Variants in PLXNC1 observed in about 807,000 individuals in gnomAD.
PLXNC1 encodes plexin-C1.
PLXNC1 carries 75 observed loss-of-function variants against 178.2 expected under a neutral mutation model. That is an observed-to-expected ratio of 0.42 (90% CI 0.35 to 0.51). PLXNC1 has a LOEUF of 0.51. Ranked by LOEUF, PLXNC1 falls within the 20% of genes least tolerant of loss-of-function variation. PLXNC1 has a pLI of 0.02. For synonymous variants in PLXNC1, 790 were observed against 779.9 expected (o/e 1.01, Z -0.22); for missense variants, 1,503 against 1,984.4 (o/e 0.76, Z 4.61).
intron 4 of PLXNC1, among the ~76,000 whole-genome samples, chr12:94,188,657 T>C (rs1592747337): frequency 6.6e-6 from 1 of 152,148 alleles, no homozygotes; most frequent in East Asian, 1.9e-4. Flanking sequence ...GAAATAACAG[T>C]GCATGTCTGC....
chr12:94,230,029 GAC>G (rs1445092945), intron 9 of PLXNC1, among the ~76,000 whole-genome samples: 1 of 152,162 alleles, frequency 6.6e-6, no homozygotes, highest in East Asian at 1.9e-4. Context: ...CAGCAGTCAA[GAC>G]ACAGAACAGC....
intron 1 of PLXNC1, among the ~76,000 whole-genome samples, chr12:94,150,630 G>A (rs1021176213): frequency 1.1e-4 from 16 of 152,252 alleles, no homozygotes; most frequent in African/African-American, 3.4e-4. Context: ...AGAGGCTTGC[G>A]CTGGAACCGA....
intron 4 of PLXNC1, among the ~76,000 whole-genome samples, chr12:94,197,928 C>T (rs1962975954): frequency 6.6e-6 from 1 of 152,146 alleles, no homozygotes; most frequent in Non-Finnish European, 1.5e-5. Context: ...CCACCTGAGT[C>T]AGAGAAAACC....
intron 23 of PLXNC1, among the ~76,000 whole-genome samples, chr12:94,288,286 T>C (rs911043676): frequency 1.3e-5 from 2 of 152,226 alleles, no homozygotes; most frequent in Admixed American, 6.5e-5. Flanking sequence ...TCCGTGAAGA[T>C]GACAGTTACC....
At chr12:94,208,885 A>G (rs758734747) in intron 4 of PLXNC1, among the ~76,000 whole-genome samples, 5 of 152,230 alleles carry the variant, frequency 3.3e-5, no homozygotes, top group African/African-American at 4.8e-5. Flanking sequence ...GCATCTCTTT[A>G]TCAAAGTAGT....
At position 94,279,105 on chromosome 12, in the gene PLXNC1, A is replaced by G. The variant is rs371986482; in HGVS notation, c.3598-367A>G. Reference sequence around the variant, plus strand: ...TGTGGTCCTATTAATAAAAAAGATAATCACCAGTCTGCCTCATCTACTGTG... The same window carrying G: ...TGTGGTCCTATTAATAAAAAAGATAGTCACCAGTCTGCCTCATCTACTGTG... On this transcript the variant is annotated intron_variant, in intron 21 of 30. Transcript: ENST00000258526. 3.9e-5 allele frequency among the ~76,000 whole-genome samples: 6 copies of G among 152,224 alleles called. No homozygotes were observed. In the South Asian group the frequency reaches 1.2e-3, roughly 32 times the overall value.
At chr12:94,212,049 C>T (rs545075678) in intron 5 of PLXNC1, among the ~76,000 whole-genome samples, 36 of 151,758 alleles carry the variant, frequency 2.4e-4, no homozygotes, top group Middle Eastern at 6.8e-3. Flanking sequence ...CCGAGGCGGG[C>T]GGATCACGAG....
rs77448745 is a variant in PLXNC1, at chr12:94,279,392, C to G, written c.3598-80C>G. The stretch of plus-strand genomic sequence containing the variant: ...CTGTCAGAGGTATTAGTGGGACTTG[C>G]TAAGGTTTGTGTCTTTTATGAAATG... On this transcript the variant is annotated intron_variant, in intron 21 of 30. Transcript: ENST00000258526. 4.7e-6 allele frequency: 6 copies of G among 1,271,904 alleles called. No individual in the cohort carries two copies. The African/African-American group carries it at 8.9e-5, about 19-fold the overall frequency. The allele number at this position is 1,271,904 out of a possible 1,614,324, so 78.8% of individuals were successfully genotyped here.
In PLXNC1 at chr12:94,282,388, T is replaced by C. The variant is rs1966507368; in HGVS notation, c.3866T>C (p.Ile1289Thr). 1 of 1,609,572 alleles carries C rather than the reference T, an allele frequency of 6.2e-7. No homozygotes were observed. Among genetic ancestry groups the C allele is most frequent in the Non-Finnish European group, 8.5e-7 (1 of 1,175,838 alleles). Residue 1289 changes from isoleucine (I) to threonine (T), a missense_variant, in exon 23 of 31, where the codon ATT (isoleucine) becomes ACT (threonine). Around this residue, in one of 4 missense-constraint regions of PLXNC1, gnomAD observed 639 missense variants for 979.7 expected, o/e 0.65. Coordinates refer to ENST00000258526, the MANE Select transcript of PLXNC1 (RefSeq NM_005761.3). Reference sequence around the variant, plus strand: ...GATGGAATCACCAAGCTAAACACCATTGGCCACTATGAGGTAAGAGCAAGA... The same window carrying C: ...GATGGAATCACCAAGCTAAACACCACTGGCCACTATGAGGTAAGAGCAAGA... ...LEDGITKLNTIGHYEISNGST... is the reference protein window; with the variant it reads ...LEDGITKLNTTGHYEISNGST...
intron 17 of PLXNC1, 79 bp downstream of exon 17, chr12:94,255,375 T>C: frequency 1.0e-6 from 1 of 989,132 alleles, no homozygotes; most frequent in South Asian, 1.3e-5. Flanking sequence ...TCAAAACGAG[T>C]GTTTGCTTCC....
At chr12:94,288,852 A>G (rs1305836786) in intron 23 of PLXNC1, among the ~76,000 whole-genome samples, 3 of 152,256 alleles carry the variant, frequency 2.0e-5, no homozygotes, top group Admixed American at 2.0e-4. Flanking sequence ...TCAGCAGAAA[A>G]GGTGATTTCA....
At chr12:94,182,616 T>C (rs934857529) in intron 3 of PLXNC1, among the ~76,000 whole-genome samples, 1 of 151,226 alleles carries the variant, frequency 6.6e-6, no homozygotes, top group Admixed American at 6.6e-5. Flanking sequence ...TCCCAGCTAC[T>C]TGGGAGGCTG....
In PLXNC1 at chr12:94,189,406, C is replaced by T. The variant is rs566542586; in HGVS notation, c.1439+2933C>T. 2.5e-3 allele frequency among the ~76,000 whole-genome samples: 388 copies of T among 152,194 alleles called. 5 individuals are homozygous for T. The highest frequency in any genetic ancestry group is 8.9e-3 in the African/African-American group (370 of 41,518). On this transcript the variant is annotated intron_variant, in intron 4 of 30. Transcript: ENST00000258526. ...GTTTAAAGATTGTTAGGGGCAGGCG[C>T]GGTGACTCACACCTATATTCCCAGC...
intron 23 of PLXNC1, among the ~76,000 whole-genome samples, chr12:94,292,803 C>T (rs920297246): frequency 6.6e-6 from 1 of 152,194 alleles, no homozygotes; most frequent in Admixed American, 6.5e-5. Flanking sequence ...CTTGTGGCAC[C>T]ACGTTAGCAC....
chr12:94,271,322 A>G (rs972100659), intron 21 of PLXNC1, among the ~76,000 whole-genome samples: 4 of 152,242 alleles, frequency 2.6e-5, no homozygotes, highest in African/African-American at 7.2e-5. Flanking sequence ...AGCCAAGAAT[A>G]TGGTTGAGGA....
rs547611831 is a variant in PLXNC1 at position 94,295,668 on chromosome 12, C to T, written c.3934+1128C>T. ...AAATCCCAACGCTGGATGAACCCAA[C>T]GATTATCCTTTCCTGACCCTACAGC... On this transcript the variant is annotated intron_variant, in intron 24 of 30. Transcript: ENST00000258526. Among the ~76,000 whole-genome samples, 303 of 152,144 alleles carry T rather than the reference C, an allele frequency of 2.0e-3. 1 individual carries two copies. Among genetic ancestry groups the T allele is most frequent in the Non-Finnish European group, 3.8e-3 (257 of 68,028 alleles).
In PLXNC1 at chr12:94,253,800, A is replaced by G. The variant is rs534091992; in HGVS notation, c.2882-987A>G. On this transcript the variant is annotated intron_variant, in intron 15 of 30. Transcript: ENST00000258526. ...GTGGTCCTCCCACCTCGGCCTCCCAAGTAGCTGGGACTCCAGGCATGCACC... is the reference window on the plus strand; with the variant it reads ...GTGGTCCTCCCACCTCGGCCTCCCAGGTAGCTGGGACTCCAGGCATGCACC... Among the ~76,000 whole-genome samples the G allele has an allele frequency of 8.4e-4, 127 of 152,056 alleles. 1 individual carries two copies. Among genetic ancestry groups the G allele is most frequent in the African/African-American group, 3.0e-3 (124 of 41,474 alleles).
chr12:94,245,273 G>A (rs890093185), intron 12 of PLXNC1, among the ~76,000 whole-genome samples: 3 of 152,216 alleles, frequency 2.0e-5, no homozygotes, highest in African/African-American at 7.2e-5. Context: ...CCCAAATCAA[G>A]TTGAATTTTT....
chr12:94,188,519 T>G (rs1383284544), intron 4 of PLXNC1, among the ~76,000 whole-genome samples: 2 of 152,036 alleles, frequency 1.3e-5, no homozygotes, highest in African/African-American at 4.8e-5. Context: ...AGATGGGGTT[T>G]CACCATGTTG....
Sources: gnomAD v4.1 joint callset for allele counts (sites outside exome capture counted in the v4.1 genomes callset) on GRCh38, gnomAD v4.1.1 for gene constraint, gnomAD v4.1.1 regional missense constraint, MANE v1.5 for transcripts, NCBI Gene and HGNC (gene_info 2026-07-23, HGNC 2026-07-21) for gene names.